STAT2: variants seen among roughly 807,000 people sequenced by gnomAD.
STAT2 encodes the protein interferon alpha induced transcriptional activator.
In STAT2, 51 loss-of-function variants were observed where a neutral mutation model predicts 122.3. That is an observed-to-expected ratio of 0.42 (90% confidence interval 0.33 to 0.53). STAT2 has a LOEUF of 0.53. Ranked by LOEUF, STAT2 falls within the 20% of genes least tolerant of loss-of-function variation. The pLI is 0.10. For missense variants in STAT2, 736 were observed against 1,010.3 expected (o/e 0.73, Z 3.68); for synonymous variants, 351 against 394.9 (o/e 0.89, Z 1.32).
chr12:56,346,323 G>C, intron 21 of STAT2, 119 bp downstream of exon 21: 2 of 1,555,520 alleles, frequency 1.3e-6, no homozygotes, highest in Non-Finnish European at 1.8e-6. Context: ...GTATCCCATG[G>C]ACGAATCCCT....
At chr12:56,353,716 G>A (rs929848010) in intron 8 of STAT2, among the ~76,000 whole-genome samples, 1 of 151,610 alleles carries the variant, frequency 6.6e-6, no homozygotes, top group East Asian at 1.9e-4. Flanking sequence ...ACTGTTGGCC[G>A]GGCATGGTGG....
rs770394204 is a variant in STAT2 at position 56,346,195 on chromosome 12, G to T, written c.2053C>A (p.Gln685Lys). Residue 685 changes from glutamine (Q) to lysine (K), a missense_variant, in exon 22 of 24, where the codon CAG becomes AAG. Physicochemically the swap from Gln to Lys is moderately conservative, Grantham distance 53. Coordinates refer to ENST00000314128, the MANE Select transcript of STAT2 (RefSeq NM_005419.4). ...TGTTTCAGGTATTTCCTCCGTTCCT[G>T]GAGATTAACTGTGAGGAACATATAC... ...GCYYQEKVNL[Q>K]ERRKYLKHRL... is the part of the protein sequence containing the mutation. 1.2e-6 allele frequency: 2 copies of T among 1,614,164 alleles called. No individual in the cohort carries two copies. The highest frequency in any genetic ancestry group is 1.3e-5 in the African/African-American group (1 of 75,054).
intron 8 of STAT2, among the ~76,000 whole-genome samples, chr12:56,354,041 A>ATATATATATATATATATATATATATAT (rs1491487679): frequency 6.7e-5 from 3 of 44,850 alleles, no homozygotes; most frequent in Non-Finnish European, 1.9e-4. Flanking sequence ...ATATATATAT[A>ATATATATATATATATATATATATATAT]AAAAATACTG....
At chr12:56,351,562 GA>G (rs1226618407) in intron 8 of STAT2, 112 bp from the exon 9 acceptor site, 209 of 1,035,042 alleles carry the variant, frequency 2.0e-4, no homozygotes, top group Non-Finnish European at 2.3e-4. Flanking sequence ...CTGGGGGGAA[GA>G]AAAAAAAAGA....
chr12:56,357,026 ATTTTT>A (rs34402362), intron 1 of STAT2, among the ~76,000 whole-genome samples: 4,475 of 66,308 alleles, frequency 0.067, 119 homozygotes, highest in Non-Finnish European at 0.094. Flanking sequence ...CCTAATCTGT[ATTTTT>A]TTTTTTTTTT....
Position 56,346,953 on chromosome 12 carries a change from C to T in STAT2, c.1727G>A (p.Arg576His), listed in dbSNP as rs200944055. 9.3e-6 allele frequency: 15 copies of T among 1,614,110 alleles called. No individual in the cohort carries two copies. Among genetic ancestry groups the T allele is most frequent in the Middle Eastern group, 1.6e-4 (1 of 6,062 alleles). ...GCTCCGACTCACAAAGCCCATGATG[C>T]GTCTGGAGCACAGAGAGCAGCTGTG... Reference protein sequence around the residue: ...DHLKDLWNDGRIMGFVSRSQE... With the variant: ...DHLKDLWNDGHIMGFVSRSQE... The change falls in exon 20 of 24, where the codon CGC (arginine) becomes CAC (histidine). Residue 576 changes from arginine to histidine, a missense_variant and splice_region_variant. Transcript: ENST00000314128.
intron 13 of STAT2, 135 bp downstream of exon 13, chr12:56,349,962 T>C (rs1878186109): frequency 3.9e-6 from 3 of 772,052 alleles, no homozygotes; most frequent in South Asian, 3.3e-5. Flanking sequence ...GACAGAAGAA[T>C]TGCTTGAACC....
rs1223767570 is a variant in STAT2 at position 56,349,220 on chromosome 12, C to G, written c.1383G>C (p.Gln461His). The change falls in exon 16 of 24, where the codon CAG (glutamine) becomes CAC (histidine). Residue 461 changes from glutamine to histidine, a missense_variant. Coordinates refer to ENST00000314128, the MANE Select transcript of STAT2 (RefSeq NM_005419.4). ...LPVVIISNMN[Q>H]LSIAWASVLW... ...GAACTGAAGCCCAGGCAATTGAGAG[C>G]TGGTTCATGTTGGAAATAATCACCA... The G allele has an allele frequency of 3.7e-6, 6 of 1,614,162 alleles. No individual in the cohort carries two copies. Among genetic ancestry groups the G allele is most frequent in the Non-Finnish European group, 5.1e-6 (6 of 1,180,042 alleles).
chr12:56,355,512 G>C lies in STAT2; in HGVS notation c.402C>G (p.Leu134=). 2.5e-6 allele frequency: 4 copies of C among 1,614,070 alleles called. No individual in the cohort carries two copies. The highest frequency in any genetic ancestry group is 2.2e-5 in the East Asian group (1 of 44,878). ...RAQLEQGEPV[L]ETPVESQQHE... The stretch of plus-strand genomic sequence containing the variant: ...GTTGCTGGCTCTCCACAGGTGTTTC[G>C]AGAACTGGCTCTCCTTGTTCCTGAA... Residue 134 remains leucine, a synonymous_variant, in exon 5 of 24, where the codon CTC becomes CTG. Coordinates refer to ENST00000314128, the MANE Select transcript of STAT2 (RefSeq NM_005419.4).
At chr12:56,352,364 T>TC (rs1407361550) in intron 8 of STAT2, 2 of 141,292 alleles carry the variant, frequency 1.4e-5, no homozygotes, top group Non-Finnish European at 1.6e-5. Context: ...TTTTTTTTTT[T>TC]TTTTTTTGGT....
At chr12:56,345,780 CCT>C (rs1023029052) in intron 22 of STAT2, among the ~76,000 whole-genome samples, 4 of 150,776 alleles carry the variant, frequency 2.7e-5, no homozygotes, top group African/African-American at 9.8e-5. Flanking sequence ...AGAACAAAAC[CCT>C]GTCTGGAAAA....
chr12:56,355,650 T>C (rs535020090), intron 4 of STAT2, 58 bp downstream of exon 4: 20 of 1,598,980 alleles, frequency 1.3e-5, no homozygotes, highest in Admixed American at 6.7e-5. Context: ...CCCTGAGTCC[T>C]TTCCATGGTT....
chr12:56,351,774 C>G (rs929446958), intron 8 of STAT2, among the ~76,000 whole-genome samples: 28 of 152,220 alleles, frequency 1.8e-4, no homozygotes, highest in African/African-American at 6.0e-4. Context: ...TATTATTTTC[C>G]CCACATTACA....
chr12:56,355,639 T>A (rs1879386590), intron 4 of STAT2, 69 bp downstream of exon 4: 1 of 1,593,890 alleles, frequency 6.3e-7, no homozygotes, highest in Admixed American at 1.7e-5. Flanking sequence ...CTGAGACAAC[T>A]CCCTGAGTCC....
intron 12 of STAT2, 79 bp downstream of exon 12, chr12:56,350,333 G>A: frequency 6.7e-7 from 1 of 1,494,426 alleles, no homozygotes; most frequent in Non-Finnish European, 9.1e-7. Context: ...TTCCTTGTTT[G>A]TGCCACCAGG....
chr12:56,350,284 T>C, intron 12 of STAT2, 94 bp from the exon 13 acceptor site: 1 of 1,429,008 alleles, frequency 7.0e-7, no homozygotes, highest in South Asian at 1.2e-5. Flanking sequence ...TCATTTCAGA[T>C]CTCGCCATCT....
At position 56,343,831 on chromosome 12, in the gene STAT2, T is replaced by C. The variant is rs61756199; in HGVS notation, c.2407A>G (p.Met803Val). The C allele has an allele frequency of 8.7e-6, 14 of 1,613,952 alleles. No homozygotes were observed. The highest frequency in any genetic ancestry group is 4.5e-5 in the East Asian group (2 of 44,898). ...GCTCCATCTCATCACTTACTTTCCA[T>C]TGGCTCAGTGTTCAAATGTCTCAGA... ...CDLRHLNTEP[M>V]EIFRNCVKIE... is the part of the protein sequence containing the mutation. The change falls in exon 23 of 24, where the codon ATG becomes GTG. Residue 803 changes from methionine to valine, a missense_variant. Coordinates refer to ENST00000314128, the MANE Select transcript of STAT2 (RefSeq NM_005419.4).
Position 56,356,485 on chromosome 12 carries a change from C to T in STAT2, c.87G>A (p.Val29=). Residue 29 remains valine, a synonymous_variant, in exon 2 of 24, where the codon GTG becomes GTA. Transcript: ENST00000314128. The part of the protein sequence containing the change: ...HQLYSHSLLP[V]DIRQYLAVWI... ...AGACAGCCAAGTACTGTCGAATGTCCACAGGCAGGAGGCTGTGCGAGTAAA... is the reference window on the plus strand; with the variant it reads ...AGACAGCCAAGTACTGTCGAATGTCTACAGGCAGGAGGCTGTGCGAGTAAA... 6.2e-7 allele frequency: 1 copy of T among 1,614,158 alleles called. No individual in the cohort carries two copies. Among genetic ancestry groups the T allele is most frequent in the Non-Finnish European group, 8.5e-7 (1 of 1,180,038 alleles).
chr12:56,352,248 T>C (rs1421394137), intron 8 of STAT2: 1 of 149,952 alleles, frequency 6.7e-6, no homozygotes, highest in African/African-American at 2.5e-5. Flanking sequence ...TAATTAAAAA[T>C]AATAATAATC....
Sources: allele counts gnomAD v4.1 joint callset (sites outside exome capture counted in the v4.1 genomes callset), GRCh38; gene constraint gnomAD v4.1.1; transcripts MANE v1.5; gene names NCBI Gene and HGNC (gene_info 2026-07-23, HGNC 2026-07-21).